HIVEP3: variants seen among roughly 807,000 people sequenced by gnomAD.
HIVEP3 encodes the protein transcription factor HIVEP3.
A neutral mutation model predicts 152.8 loss-of-function variants in HIVEP3; 49 were observed. The ratio of observed to expected loss-of-function variants is 0.32; its 90% CI spans 0.26 to 0.41. The LOEUF (loss-of-function observed/expected upper bound fraction) is 0.41, where lower values mean the gene tolerates loss of function less well. Among genes scored for constraint, HIVEP3 ranks in the 10% least tolerant of loss-of-function variants. HIVEP3 has a pLI of 1.00. For synonymous variants in HIVEP3, 1,269 were observed against 1,289.0 expected (o/e 0.98, Z 0.33); for missense variants, 2,790 against 3,103.3 (o/e 0.90, Z 2.40).
intron 1 of HIVEP3, among the ~76,000 whole-genome samples, chr1:41,936,403 T>A (rs778288180): frequency 6.6e-6 from 1 of 152,176 alleles, no homozygotes; most frequent in African/African-American, 2.4e-5. Context: ...AGGGATCATA[T>A]TTCCACACAC....
At chr1:41,991,133 G>C (rs905643180) in intron 1 of HIVEP3, among the ~76,000 whole-genome samples, 4 of 150,666 alleles carry the variant, frequency 2.7e-5, no homozygotes, top group Non-Finnish European at 4.5e-5. Context: ...CTAGCAGAAG[G>C]CAAGAAATAA....
At chr1:41,770,083 C>T (rs528087935) in intron 1 of HIVEP3, among the ~76,000 whole-genome samples, 11 of 152,288 alleles carry the variant, frequency 7.2e-5, no homozygotes, top group African/African-American at 2.6e-4. Flanking sequence ...ATTCTCCTGC[C>T]TCAGCCTCCT....
chr1:41,808,334 C>T (rs1446678444), intron 1 of HIVEP3, among the ~76,000 whole-genome samples: 1 of 152,246 alleles, frequency 6.6e-6, no homozygotes, highest in Non-Finnish European at 1.5e-5. Context: ...TTCATCCTCT[C>T]CACTAGGCTG....
chr1:41,614,738 C>T (rs918079410), intron 3 of HIVEP3, among the ~76,000 whole-genome samples: 1 of 152,188 alleles, frequency 6.6e-6, no homozygotes, highest in South Asian at 2.1e-4. Context: ...GAAGGCCCCA[C>T]ATGGTAGCTC....
At chr1:41,942,080 C>T (rs74933252) in intron 1 of HIVEP3, among the ~76,000 whole-genome samples, 2,332 of 152,200 alleles carry the variant, frequency 0.015, 59 homozygotes, top group African/African-American at 0.054. Context: ...TTGGTTTATC[C>T]AACTGTGGCT....
chr1:41,546,007 G>A (rs1019595819), intron 5 of HIVEP3, among the ~76,000 whole-genome samples: 10 of 152,210 alleles, frequency 6.6e-5, no homozygotes, highest in African/African-American at 1.2e-4. Context: ...AGCCAAACAC[G>A]GCTGAGTGTG....
chr1:41,547,837 C>T (rs1422514562), intron 5 of HIVEP3, among the ~76,000 whole-genome samples: 5 of 151,114 alleles, frequency 3.3e-5, no homozygotes, highest in Non-Finnish European at 5.9e-5. Flanking sequence ...ATCCTTTCCT[C>T]CACACTCCAC....
intron 1 of HIVEP3, among the ~76,000 whole-genome samples, chr1:41,862,740 T>C (rs1004039645): frequency 6.6e-6 from 1 of 152,132 alleles, no homozygotes; most frequent in African/African-American, 2.4e-5. Flanking sequence ...GAAAAGAGAA[T>C]TGGAGGGCAG....
chr1:41,751,355 A>G lies in HIVEP3; in HGVS notation c.-800-50360T>C, dbSNP rs147885225. Among the ~76,000 whole-genome samples, 4 of 118,532 alleles carry G rather than the reference A, an allele frequency of 3.4e-5. No individual in the cohort carries two copies. In the East Asian group the frequency reaches 9.6e-4, roughly 29 times the overall value. 77.8% of individuals were successfully genotyped at this position (118,532 alleles called of 152,430 possible). A position where few individuals can be genotyped will look rare whatever the true frequency, so the allele number is the denominator to read the frequency against. ...TTTTTTTTTTTTTTTGCATAATGGC[A>G]TGCAAGGGAAGAGGAGAGGAAGTCA... On this transcript the variant is annotated intron_variant, in intron 1 of 8. Coordinates refer to ENST00000372583, the MANE Select transcript of HIVEP3 (RefSeq NM_024503.5).
Position 41,651,748 on chromosome 1 carries a change from C to G in HIVEP3, c.-720-22801G>C, listed in dbSNP as rs139955615. Among the ~76,000 whole-genome samples the G allele has an allele frequency of 8.9e-3, 1,356 of 152,254 alleles. 27 individuals carry two copies. The highest frequency in any genetic ancestry group is 0.031 in the African/African-American group (1,294 of 41,528). The stretch of plus-strand genomic sequence containing the variant: ...GATTCTCAAGACCCTTTGGCCCTTG[C>G]CAGTACTAGATCTTCTCTATTTTTT... On this transcript the variant is annotated intron_variant, in intron 2 of 8. Coordinates refer to ENST00000372583, the MANE Select transcript of HIVEP3 (RefSeq NM_024503.5).
At chr1:41,560,151 T>C (rs957344918) in intron 5 of HIVEP3, among the ~76,000 whole-genome samples, 4 of 152,234 alleles carry the variant, frequency 2.6e-5, no homozygotes, top group African/African-American at 9.6e-5. Flanking sequence ...AGAGGTCAAC[T>C]TTCTACATGC....
chr1:41,894,069 C>T (rs540264766), intron 1 of HIVEP3, among the ~76,000 whole-genome samples: 76 of 151,922 alleles, frequency 5.0e-4, no homozygotes, highest in African/African-American at 1.7e-3. Context: ...TACAGACACT[C>T]GCCACCACAC....
chr1:41,596,683 C>T (rs1644670674), intron 3 of HIVEP3, among the ~76,000 whole-genome samples: 2 of 152,310 alleles, frequency 1.3e-5, no homozygotes, highest in South Asian at 2.1e-4. Flanking sequence ...CTTACACATC[C>T]CCTTTTTATA....
At chr1:41,939,883 ATTTTTCTT>A (rs1332766593) in intron 1 of HIVEP3, among the ~76,000 whole-genome samples, 5 of 150,144 alleles carry the variant, frequency 3.3e-5, no homozygotes, top group African/African-American at 7.4e-5. Flanking sequence ...TTTATTTCCC[ATTTTTCTT>A]TTTTTCTTTT....
At chr1:42,030,669 C>T (rs932879634) in intron 1 of HIVEP3, among the ~76,000 whole-genome samples, 20 of 152,150 alleles carry the variant, frequency 1.3e-4, no homozygotes, top group Non-Finnish European at 8.8e-5. Context: ...GGTTTTCCTC[C>T]GGGGAGGCCC....
chr1:41,831,359 G>A (rs1164000274), intron 1 of HIVEP3, among the ~76,000 whole-genome samples: 1 of 152,130 alleles, frequency 6.6e-6, no homozygotes, highest in African/African-American at 2.4e-5. Context: ...GGAATGAGAT[G>A]GTAGAATGTG....
At chr1:41,593,513 C>T (rs1418972958) in intron 3 of HIVEP3, among the ~76,000 whole-genome samples, 1 of 152,144 alleles carries the variant, frequency 6.6e-6, no homozygotes, top group Non-Finnish European at 1.5e-5. Context: ...ATGAGTATAT[C>T]ACAGGCTAAC....
chr1:41,974,884 T>C (rs1645251236), intron 1 of HIVEP3, among the ~76,000 whole-genome samples: 1 of 152,094 alleles, frequency 6.6e-6, no homozygotes, highest in African/African-American at 2.4e-5. Context: ...GATGCTCTGG[T>C]GCATGGCCAT....
Position 41,662,327 on chromosome 1 carries a change from C to T in HIVEP3, c.-720-33380G>A, listed in dbSNP as rs1645728736. 6.9e-6 allele frequency: 1 copy of T among 145,598 alleles called. No homozygotes were observed. Among genetic ancestry groups the T allele is most frequent in the Non-Finnish European group, 1.5e-5 (1 of 65,570 alleles). The allele number at this position is 145,598 out of a possible 1,614,324, so 9.0% of individuals were successfully genotyped here. A position where few individuals can be genotyped will look rare whatever the true frequency, so the allele number is the denominator to read the frequency against. Reference sequence around the variant, plus strand: ...CGGCGCGGGGTGGGCGCGGGGCGGGCTGGCGGGCGGGCGCCGGCGGCGGGC... The same window carrying T: ...CGGCGCGGGGTGGGCGCGGGGCGGGTTGGCGGGCGGGCGCCGGCGGCGGGC... On this transcript the variant is annotated intron_variant, in intron 2 of 8. Transcript: ENST00000372583. This position sits in a 1 kb window ranked among gnomAD's most constrained non-coding sequence, Gnocchi z 7.2.
Sources: allele counts gnomAD v4.1 joint callset (sites outside exome capture counted in the v4.1 genomes callset), GRCh38; gene constraint gnomAD v4.1.1; non-coding constraint Gnocchi (gnomAD v3.1); transcripts MANE v1.5; gene names NCBI Gene and HGNC (gene_info 2026-07-23, HGNC 2026-07-21).